Variants in TTC17 observed in about 807,000 individuals in gnomAD.
TTC17 encodes the protein tetratricopeptide repeat domain 17.
In TTC17, 58 loss-of-function variants were observed where a neutral mutation model predicts 143.8. The observed-to-expected ratio is 0.40, with a 90% confidence interval of 0.33 to 0.50. The LOEUF (loss-of-function observed/expected upper bound fraction) is 0.50, where lower values mean the gene tolerates loss of function less well. Ranked by LOEUF, TTC17 falls within the 20% of genes least tolerant of loss-of-function variation. The probability of loss-of-function intolerance (pLI) is 0.49; values close to 1 mark genes in which losing one functional copy is unlikely to be tolerated. For synonymous variants in TTC17, 501 were observed against 497.8 expected (o/e 1.01, Z -0.09); for missense variants, 1,273 against 1,392.5 (o/e 0.91, Z 1.37).
At chr11:43,411,666 A>T (rs186062099) in intron 15 of TTC17, among the ~76,000 whole-genome samples, 14 of 152,308 alleles carry the variant, frequency 9.2e-5, no homozygotes, top group African/African-American at 3.4e-4. Context: ...TAACCAGTTT[A>T]TCTCAATGCA....
chr11:43,412,759 C>T (rs1407015830), intron 15 of TTC17, among the ~76,000 whole-genome samples: 1 of 152,036 alleles, frequency 6.6e-6, no homozygotes, highest in Non-Finnish European at 1.5e-5. Context: ...AAATCCAAAA[C>T]ATTTCTGGTT....
At chr11:43,371,526 C>A (rs1321556076) in intron 1 of TTC17, among the ~76,000 whole-genome samples, 1 of 152,080 alleles carries the variant, frequency 6.6e-6, no homozygotes, top group African/African-American at 2.4e-5. Flanking sequence ...AACTTCCATG[C>A]CCTCTCCAGG....
chr11:43,423,414 A>G (rs1399248697), intron 16 of TTC17, among the ~76,000 whole-genome samples: 1 of 152,176 alleles, frequency 6.6e-6, no homozygotes, highest in Admixed American at 6.5e-5. Context: ...ATGTGAAGAA[A>G]ACGCCAAGAA....
chr11:43,440,158 ATAGGACAGTTGTG>A (rs1228880990), intron 16 of TTC17, among the ~76,000 whole-genome samples: 2 of 152,220 alleles, frequency 1.3e-5, no homozygotes, highest in African/African-American at 4.8e-5. Context: ...TTTCAGCTGT[ATAGGACAGTTGTG>A]TAGGACAGTG....
chr11:43,407,290 A>G (rs989927560), intron 14 of TTC17, 63 bp from the exon 15 acceptor site: 16 of 1,574,002 alleles, frequency 1.0e-5, no homozygotes, highest in Non-Finnish European at 1.4e-5. Context: ...GCACTTATTA[A>G]AAATCTTATT....
chr11:43,389,256 G>A (rs1474485107), intron 2 of TTC17, among the ~76,000 whole-genome samples: 1 of 152,130 alleles, frequency 6.6e-6, no homozygotes, highest in Non-Finnish European at 1.5e-5. Flanking sequence ...ATATTTTATG[G>A]TTGACAGGAA....
At chr11:43,487,819 C>T in intron 21 of TTC17, among the ~76,000 whole-genome samples, 1 of 152,218 alleles carries the variant, frequency 6.6e-6, no homozygotes, top group East Asian at 1.9e-4. Flanking sequence ...CCTGAGACCT[C>T]TCTCTTCGGC....
chr11:43,420,064 C>T (rs2134641811), intron 16 of TTC17, among the ~76,000 whole-genome samples: 1 of 152,260 alleles, frequency 6.6e-6, no homozygotes, highest in South Asian at 2.1e-4. Context: ...GGTTAACAAA[C>T]AGTTTTTTAA....
chr11:43,445,930 G>T, intron 18 of TTC17: 1 of 1,229,488 alleles, frequency 8.1e-7, no homozygotes, highest in Non-Finnish European at 1.2e-6. Context: ...TTTTTGGTTA[G>T]GGCTACTAGA....
In TTC17 at chr11:43,383,619, C is replaced by T. The variant is rs117046593; in HGVS notation, c.249+4297C>T. Among the ~76,000 whole-genome samples, 918 of 152,086 alleles carry T rather than the reference C, an allele frequency of 6.0e-3. 20 individuals carry two copies. In the East Asian group the frequency reaches 0.067, roughly 11 times the overall value. The stretch of plus-strand genomic sequence containing the variant: ...CCTCAGGTGGATCCGCCCACCTTGG[C>T]CTCCCACAGTGCTGGCTGGGATTAC... On this transcript the variant is annotated intron_variant, in intron 2 of 23. Coordinates refer to ENST00000039989, the MANE Select transcript of TTC17 (RefSeq NM_018259.6).
rs937044644 is a variant in TTC17 at position 43,393,189 on chromosome 11, C to T, written c.663+1237C>T. 5.3e-5 allele frequency among the ~76,000 whole-genome samples: 8 copies of T among 152,184 alleles called. No individual in the cohort carries two copies. In the South Asian group the frequency reaches 1.0e-3, roughly 20 times the overall value. On this transcript the variant is annotated intron_variant, in intron 5 of 23. Transcript: ENST00000039989. ...TGACACTAACTACCTGGAGTTAGCA[C>T]AGACCCCACAGGTCAAGGACTCAGT...
chr11:43,379,132 C>A, intron 1 of TTC17, 101 bp from the exon 2 acceptor site: 1 of 1,087,960 alleles, frequency 9.2e-7, no homozygotes, highest in Non-Finnish European at 1.4e-6. Context: ...ACGCTGATTA[C>A]AATGGCGAAT....
At chr11:43,384,955 A>G (rs1363675278) in intron 2 of TTC17, among the ~76,000 whole-genome samples, 3 of 152,240 alleles carry the variant, frequency 2.0e-5, no homozygotes, top group African/African-American at 7.2e-5. Flanking sequence ...TAAAATAATT[A>G]ATAGACAGAT....
intron 15 of TTC17, among the ~76,000 whole-genome samples, chr11:43,409,081 T>G (rs533490017): frequency 6.6e-6 from 1 of 152,286 alleles, no homozygotes; most frequent in South Asian, 2.1e-4. Context: ...TTCCCAACTT[T>G]TGGAAATTTT....
At chr11:43,417,530 G>T (rs1946804753) in intron 16 of TTC17, among the ~76,000 whole-genome samples, 1 of 152,098 alleles carries the variant, frequency 6.6e-6, no homozygotes, top group African/African-American at 2.4e-5. Flanking sequence ...TGCTGGCTGG[G>T]TCACAGAATT....
chr11:43,374,369 G>T (rs1257268153), intron 1 of TTC17, among the ~76,000 whole-genome samples: 1 of 152,080 alleles, frequency 6.6e-6, no homozygotes, highest in Non-Finnish European at 1.5e-5. Context: ...CCTGGGCAAA[G>T]AATTTATGAC....
At chr11:43,464,493 A>T (rs17594707) in intron 21 of TTC17, among the ~76,000 whole-genome samples, 20,954 of 152,046 alleles carry the variant, frequency 0.14, 1,659 homozygotes, top group Admixed American at 0.26. Context: ...AACTTTTTTT[A>T]AAAAAACTTG....
intron 13 of TTC17, among the ~76,000 whole-genome samples, chr11:43,406,599 G>A (rs1349945106): frequency 6.6e-6 from 1 of 151,262 alleles, no homozygotes. Flanking sequence ...AAAACTATAG[G>A]CACTTACTGT....
intron 16 of TTC17, among the ~76,000 whole-genome samples, chr11:43,419,813 C>A (rs1171189914): frequency 2.6e-5 from 4 of 152,126 alleles, no homozygotes; most frequent in African/African-American, 9.7e-5. Flanking sequence ...ATCTCAGCCT[C>A]CCAAACAGTT....
Sources: gnomAD v4.1 joint callset for allele counts (sites outside exome capture counted in the v4.1 genomes callset) on GRCh38, gnomAD v4.1.1 for gene constraint, MANE v1.5 for transcripts, NCBI Gene and HGNC (gene_info 2026-07-23, HGNC 2026-07-21) for gene names.